Variants in NCLN observed in about 807,000 individuals in gnomAD.
NCLN encodes nicalin.
A neutral mutation model predicts 69.5 loss-of-function variants in NCLN; 34 were observed. The observed-to-expected ratio is 0.49, with a 90% CI of 0.37 to 0.65. The LOEUF (loss-of-function observed/expected upper bound fraction) is 0.65, where lower values mean the gene tolerates loss of function less well. Ranked by LOEUF, NCLN falls within the 30% of genes least tolerant of loss-of-function variation. The pLI is 0.00. For synonymous variants in NCLN, 393 were observed against 358.3 expected, an observed-to-expected ratio of 1.10 and a Z score of -1.09; for missense variants, 710 against 804.8, an observed-to-expected ratio of 0.88 and a Z score of 1.42.
At chr19:3,188,471 C>CGCA (rs1915727479) in intron 1 of NCLN, among the ~76,000 whole-genome samples, 1 of 152,202 alleles carries the variant, frequency 6.6e-6, no homozygotes, top group East Asian at 1.9e-4. Flanking sequence ...TCTTGTTCTT[C>CGCA]GCAGCCTCCT....
At chr19:3,202,092 C>T (rs532445505) in intron 6 of NCLN, among the ~76,000 whole-genome samples, 1 of 152,262 alleles carries the variant, frequency 6.6e-6, no homozygotes, top group East Asian at 1.9e-4. Flanking sequence ...GGCAGAAGCA[C>T]CCCTGGTTGA....
At chr19:3,191,097 G>A (rs913975875) in intron 1 of NCLN, among the ~76,000 whole-genome samples, 11 of 151,866 alleles carry the variant, frequency 7.2e-5, no homozygotes, top group African/African-American at 2.4e-4. Context: ...AGATCGTCGC[G>A]GTGCGTGGCG....
At chr19:3,195,350 C>T (rs898783980) in intron 3 of NCLN, among the ~76,000 whole-genome samples, 5 of 151,888 alleles carry the variant, frequency 3.3e-5, no homozygotes, top group Non-Finnish European at 7.4e-5. Flanking sequence ...CCCGGGTTCG[C>T]GCCATTCTCC....
chr19:3,192,063 C>T (rs1568310188), intron 1 of NCLN, among the ~76,000 whole-genome samples: 1 of 152,136 alleles, frequency 6.6e-6, no homozygotes. Flanking sequence ...TGGTGGGTGC[C>T]GGTAATCCCA....
chr19:3,193,235 G>A lies in NCLN; in HGVS notation c.376-49G>A, dbSNP rs528751277. ...CAGTCACTGGGCCCCCTGCTACCTT[G>A]CCACCCCCACCAGGCCAGCAGCCCC... On this transcript the variant is annotated intron_variant, in intron 2 of 14. Coordinates refer to ENST00000246117, the MANE Select transcript of NCLN (RefSeq NM_020170.4). 4.5e-4 allele frequency: 664 copies of A among 1,475,730 alleles called. 13 individuals carry two copies. The South Asian group carries it at 8.9e-3, about 20-fold the overall frequency. The allele number at this position is 1,475,730 out of a possible 1,614,324, so 91.4% of individuals were successfully genotyped here.
intron 5 of NCLN, among the ~76,000 whole-genome samples, chr19:3,200,435 G>A (rs1346568801): frequency 2.0e-5 from 3 of 148,350 alleles, no homozygotes; most frequent in South Asian, 2.1e-4. Flanking sequence ...CTCAACCTCC[G>A]GAGTAGCTGG....
chr19:3,199,256 G>C (rs1236653506), intron 5 of NCLN, among the ~76,000 whole-genome samples: 1 of 152,270 alleles, frequency 6.6e-6, no homozygotes, highest in African/African-American at 2.4e-5. Flanking sequence ...GCACGTAGCA[G>C]AGTCCGCGAA....
At position 3,207,482 on chromosome 19, in the gene NCLN, C is replaced by T. The variant is rs376878202; in HGVS notation, c.1632+13C>T. ...CGTGGCTGTCCAGGTGAGCAGTGCC[C>T]AGGCTCAGGTGGGGCAGGGGCCGCC... On this transcript the variant is annotated intron_variant, in intron 14 of 14. Transcript: ENST00000246117. 12 of 1,612,464 alleles carry T rather than the reference C, an allele frequency of 7.4e-6. No homozygotes were observed. Among genetic ancestry groups the T allele is most frequent in the Non-Finnish European group, 9.3e-6 (11 of 1,179,734 alleles).
intron 3 of NCLN, among the ~76,000 whole-genome samples, chr19:3,195,098 C>T (rs1915921936): frequency 6.6e-6 from 1 of 151,590 alleles, no homozygotes; most frequent in South Asian, 2.1e-4. Flanking sequence ...CACTTGAACC[C>T]TTGAACCTGG....
chr19:3,190,448 A>T (rs1915789759), intron 1 of NCLN, among the ~76,000 whole-genome samples: 1 of 152,072 alleles, frequency 6.6e-6, no homozygotes, highest in Admixed American at 6.5e-5. Flanking sequence ...TCAGCCCATC[A>T]GACACCCCGT....
intron 1 of NCLN, among the ~76,000 whole-genome samples, chr19:3,186,867 C>G (rs968618318): frequency 6.6e-5 from 10 of 152,066 alleles, no homozygotes; most frequent in Admixed American, 6.6e-4. Context: ...ATTCAACTCC[C>G]CTGAATTTTC....
intron 12 of NCLN, 70 bp downstream of exon 12, chr19:3,206,495 CCACCCCCT>C: frequency 6.7e-7 from 1 of 1,481,648 alleles, no homozygotes; most frequent in South Asian, 1.3e-5. Flanking sequence ...ACTGCATCTC[CCACCCCCT>C]CACCCCTGGG....
chr19:3,203,290 AAG>A (rs1454711507), intron 6 of NCLN, among the ~76,000 whole-genome samples: 1 of 152,094 alleles, frequency 6.6e-6, no homozygotes, highest in Admixed American at 6.5e-5. Flanking sequence ...CCTGGGCAGA[AAG>A]AGCGAAACTC....
chr19:3,198,935 G>A, intron 5 of NCLN, 38 bp downstream of exon 5: 1 of 1,377,112 alleles, frequency 7.3e-7, no homozygotes, highest in Non-Finnish European at 9.6e-7. Flanking sequence ...ACCCCACAGG[G>A]CTTGGATTCT....
chr19:3,194,781 C>G (rs1042867899), intron 3 of NCLN, among the ~76,000 whole-genome samples: 6 of 141,506 alleles, frequency 4.2e-5, no homozygotes, highest in African/African-American at 1.6e-4. Context: ...GACAGAGTCT[C>G]ACTCTGTTGC....
chr19:3,203,592 T>C (rs376635094), intron 6 of NCLN, among the ~76,000 whole-genome samples, 164 bp from the exon 7 acceptor site: 1 of 152,150 alleles, frequency 6.6e-6, no homozygotes, highest in Non-Finnish European at 1.5e-5. Context: ...CCAGCCCCAG[T>C]GTCCACAGGG....
intron 1 of NCLN, among the ~76,000 whole-genome samples, chr19:3,189,318 C>T (rs1357127238): frequency 6.6e-6 from 1 of 152,212 alleles, no homozygotes; most frequent in East Asian, 1.9e-4. Flanking sequence ...TCAGACTTGC[C>T]AAAACTCCTT....
rs367852619 is a variant in NCLN, at chr19:3,206,072, C to CCCCTGG, written c.1296+49_1296+50insTGGCCC. The CCCCTGG allele has an allele frequency of 1.3e-5, 21 of 1,603,128 alleles. No individual in the cohort carries two copies. The East Asian group carries it at 4.5e-4, about 34-fold the overall frequency. ...GCCGCCAGACCCAGCCCCAGCCCTG[C>CCCCTGG]CCCCGGCCCCGGCCCCACCCCTGGC... On this transcript the variant is annotated intron_variant, in intron 10 of 14. Transcript: ENST00000246117.
chr19:3,203,181 G>A (rs535436361), intron 6 of NCLN, among the ~76,000 whole-genome samples: 6 of 152,146 alleles, frequency 3.9e-5, no homozygotes, highest in African/African-American at 1.4e-4. Context: ...GGTGCTGCAT[G>A]CCTGTAATCC....
Sources: gnomAD v4.1 joint callset for allele counts (sites outside exome capture counted in the v4.1 genomes callset) on GRCh38, gnomAD v4.1.1 for gene constraint, MANE v1.5 for transcripts, NCBI Gene and HGNC (gene_info 2026-07-23, HGNC 2026-07-21) for gene names.